SOCS4: variants seen among roughly 807,000 people sequenced by gnomAD.
The protein encoded by SOCS4 is suppressor of cytokine signaling 4, also known as SH2 domain containing SOCS box protein.
In SOCS4, 20 loss-of-function variants were observed where a neutral mutation model predicts 34.1. The ratio of observed to expected loss-of-function variants is 0.59; its 90% CI spans 0.41 to 0.85. SOCS4 has a LOEUF of 0.85. Ranked by LOEUF, SOCS4 falls within the 40% of genes least tolerant of loss-of-function variation. The probability of loss-of-function intolerance (pLI) is 0.00; values close to 1 mark genes in which losing one functional copy is unlikely to be tolerated. For missense variants in SOCS4, 479 were observed against 532.4 expected (o/e 0.90, Z 0.99); for synonymous variants, 180 against 186.4 (o/e 0.97, Z 0.28).
chr14:55,042,992 A>G lies in SOCS4; in HGVS notation c.-50A>G. 1 of 1,517,496 alleles carries G rather than the reference A, an allele frequency of 6.6e-7. No homozygotes were observed. Among genetic ancestry groups the G allele is most frequent in the Non-Finnish European group, 8.9e-7 (1 of 1,128,588 alleles). 94.0% of individuals were successfully genotyped at this position (1,517,496 alleles called of 1,614,324 possible). A position where few individuals can be genotyped will look rare whatever the true frequency, so the allele number is the denominator to read the frequency against. On this transcript the variant is annotated 5_prime_UTR_variant, in exon 3 of 3. Coordinates refer to ENST00000555846, the MANE Select transcript of SOCS4 (RefSeq NM_199421.2). ...GCCCAGAAGAAACTTCCTGCTGGAA[A>G]AAATGAAAAAGCAGTATTTATAACA...
chr14:55,044,726 T>C lies in SOCS4; in HGVS notation c.*362T>C, dbSNP rs2042658662. The C allele has an allele frequency of 5.9e-6, 1 of 168,400 alleles. No individual in the cohort carries two copies. The highest frequency in any genetic ancestry group is 1.4e-5 in the Non-Finnish European group (1 of 69,090). The allele number at this position is 168,400 out of a possible 1,614,324, so 10.4% of individuals were successfully genotyped here. On this transcript the variant is annotated 3_prime_UTR_variant, in exon 3 of 3. Coordinates refer to ENST00000555846, the MANE Select transcript of SOCS4 (RefSeq NM_199421.2). Reference sequence around the variant, plus strand: ...ACACATTTGAATATTGTGTATTTCATACTATTCTTTAAAAGTAATCTTATG... The same window carrying C: ...ACACATTTGAATATTGTGTATTTCACACTATTCTTTAAAAGTAATCTTATG...
Position 55,044,398 on chromosome 14 carries a change from A to G in SOCS4, c.*34A>G, listed in dbSNP as rs1167676813. 2 of 1,328,670 alleles carry G rather than the reference A, an allele frequency of 1.5e-6. No individual in the cohort carries two copies. Among genetic ancestry groups the G allele is most frequent in the Middle Eastern group, 2.9e-4 (1 of 3,446 alleles). 82.3% of individuals were successfully genotyped at this position (1,328,670 alleles called of 1,614,324 possible). On this transcript the variant is annotated 3_prime_UTR_variant, in exon 3 of 3. Coordinates refer to ENST00000555846, the MANE Select transcript of SOCS4 (RefSeq NM_199421.2). The stretch of plus-strand genomic sequence containing the variant: ...TGGGAACATGGGAATGATAATATAT[A>G]TTTTTTCTTTTAATATTTTATTTTT...
chr14:55,042,376 T>C (rs976632550), intron 2 of SOCS4, among the ~76,000 whole-genome samples: 3 of 152,252 alleles, frequency 2.0e-5, no homozygotes, highest in African/African-American at 7.2e-5. Flanking sequence ...TTTAAAACAC[T>C]GTATTGGGAA....
At position 55,046,983 on chromosome 14, in the gene SOCS4, A is replaced by G; in HGVS notation, c.*2619A>G. ...ATATATTGATTGCACTATATAAATG[A>G]GTAAATTTTGAGAGGAACAATGTGG... On this transcript the variant is annotated 3_prime_UTR_variant, in exon 3 of 3. Coordinates refer to ENST00000555846, the MANE Select transcript of SOCS4 (RefSeq NM_199421.2). 6.0e-6 allele frequency: 1 copy of G among 167,186 alleles called. No individual in the cohort carries two copies. 10.4% of individuals were successfully genotyped at this position (167,186 alleles called of 1,614,324 possible). A position where few individuals can be genotyped will look rare whatever the true frequency, so the allele number is the denominator to read the frequency against.
chr14:55,041,473 G>A (rs7149965), intron 2 of SOCS4, among the ~76,000 whole-genome samples: 59,655 of 150,312 alleles, frequency 0.4, 12,266 homozygotes, highest in African/African-American at 0.48. Context: ...AGTTCCTGGC[G>A]TAAATCTTTT....
rs1420914489 is a variant in SOCS4 at position 55,043,550 on chromosome 14, A to G, written c.509A>G (p.Glu170Gly). 6.2e-7 allele frequency: 1 copy of G among 1,614,192 alleles called. No homozygotes were observed. Among genetic ancestry groups the G allele is most frequent in the Non-Finnish European group, 8.5e-7 (1 of 1,180,034 alleles). The change falls in exon 3 of 3, where the codon GAA becomes GGA. Residue 170 changes from glutamate (E) to glycine (G), a missense_variant. By Grantham distance (98) the Glu-to-Gly change is moderately conservative. Coordinates refer to ENST00000555846, the MANE Select transcript of SOCS4 (RefSeq NM_199421.2). Reference sequence around the variant, plus strand: ...GTAAGCACAGACTTGTCTCAGACTGAATTGAGGGATGGTCAGCTAAAACGA... The same window carrying G: ...GTAAGCACAGACTTGTCTCAGACTGGATTGAGGGATGGTCAGCTAAAACGA... ...EWVSTDLSQTELRDGQLKRRN... is the reference protein window; with the variant it reads ...EWVSTDLSQTGLRDGQLKRRN...
chr14:55,036,098 A>T (rs1038126010), intron 2 of SOCS4, among the ~76,000 whole-genome samples: 3 of 152,192 alleles, frequency 2.0e-5, no homozygotes, highest in African/African-American at 4.8e-5. Context: ...CCATATACAT[A>T]TATAGAGATA....
At position 55,043,155 on chromosome 14, in the gene SOCS4, T is replaced by C. The variant is rs1243086823; in HGVS notation, c.114T>C (p.Ser38=). ...ATGTGTGGAGTGGAAAGAAGTTATC[T>C]TGGTCAAAAAAGAGTGAGAGTTATT... ...DGYVWSGKKL[S]WSKKSESYSD... Residue 38 remains serine (S), a synonymous_variant, in exon 3 of 3, where the codon TCT becomes TCC. Coordinates refer to ENST00000555846, the MANE Select transcript of SOCS4 (RefSeq NM_199421.2). 6.2e-7 allele frequency: 1 copy of C among 1,614,100 alleles called. No individual in the cohort carries two copies. The highest frequency in any genetic ancestry group is 8.5e-7 in the Non-Finnish European group (1 of 1,180,036).
rs1044499542 is a variant in SOCS4 at position 55,042,932 on chromosome 14, C to CT, written c.-90-12dup. 63 of 989,644 alleles carry CT rather than the reference C, an allele frequency of 6.4e-5. No homozygotes were observed. Among genetic ancestry groups the CT allele is most frequent in the South Asian group, 1.6e-4 (9 of 56,982 alleles). 61.3% of individuals were successfully genotyped at this position (989,644 alleles called of 1,614,324 possible). ...AAGGTAGATGACAAATGGTTAATGA[C>CT]TTTTTTTTGTTTTCTTTAGATACAT... On this transcript the variant is annotated intron_variant, in intron 2 of 2. Coordinates refer to ENST00000555846, the MANE Select transcript of SOCS4 (RefSeq NM_199421.2).
Position 55,029,427 on chromosome 14 carries a change from G to A in SOCS4, c.-220+1956G>A, listed in dbSNP as rs547168757. On this transcript the variant is annotated intron_variant, in intron 1 of 2. Transcript: ENST00000555846. ...AGTCACAGATTGAATTGCAGTGATGGTTAGTTAGCTTTGCTGTGTTGTAAC... is the reference window on the plus strand; with the variant it reads ...AGTCACAGATTGAATTGCAGTGATGATTAGTTAGCTTTGCTGTGTTGTAAC... Among the ~76,000 whole-genome samples, 37 of 152,238 alleles carry A rather than the reference G, an allele frequency of 2.4e-4. No homozygotes were observed. In the South Asian group the frequency reaches 7.3e-3, roughly 30 times the overall value.
chr14:55,035,084 C>T (rs112642967), intron 2 of SOCS4, among the ~76,000 whole-genome samples: 5,706 of 152,234 alleles, frequency 0.037, 140 homozygotes, highest in South Asian at 0.062. Flanking sequence ...TGGTCTCAAA[C>T]TCCTGACCTC....
intron 1 of SOCS4, among the ~76,000 whole-genome samples, chr14:55,029,298 A>G (rs2042507211): frequency 1.3e-5 from 2 of 152,216 alleles, no homozygotes; most frequent in South Asian, 4.1e-4. Flanking sequence ...TAGCTGTGTC[A>G]CTGATAGGAG....
At chr14:55,036,592 T>A (rs2042574277) in intron 2 of SOCS4, among the ~76,000 whole-genome samples, 1 of 151,944 alleles carries the variant, frequency 6.6e-6, no homozygotes, top group Non-Finnish European at 1.5e-5. Flanking sequence ...GATCCACCCG[T>A]CTCGGCCTCC....
At position 55,043,858 on chromosome 14, in the gene SOCS4, T is replaced by C; in HGVS notation, c.817T>C (p.Cys273Arg). Residue 273 changes from cysteine (C) to arginine (R), a missense_variant, in exon 3 of 3, where the codon TGT (cysteine) becomes CGT (arginine). Physicochemically the swap from Cys to Arg is radical, Grantham distance 180. Transcript: ENST00000555846. The part of the protein sequence containing the change: ...KYHTQIDYVH[C>R]LVPDLLQINN... Reference sequence around the variant, plus strand: ...CCACACGCAGATTGATTATGTCCACTGTCTTGTACCAGACCTCCTTCAGAT... The same window carrying C: ...CCACACGCAGATTGATTATGTCCACCGTCTTGTACCAGACCTCCTTCAGAT... The C allele has an allele frequency of 6.2e-7, 1 of 1,614,220 alleles. No homozygotes were observed. The highest frequency in any genetic ancestry group is 8.5e-7 in the Non-Finnish European group (1 of 1,180,036).
chr14:55,044,399 T>A lies in SOCS4; in HGVS notation c.*35T>A. On this transcript the variant is annotated 3_prime_UTR_variant, in exon 3 of 3. Transcript: ENST00000555846. ...GGGAACATGGGAATGATAATATATA[T>A]TTTTTCTTTTAATATTTTATTTTTC... The A allele has an allele frequency of 7.6e-7, 1 of 1,321,866 alleles. No individual in the cohort carries two copies. The highest frequency in any genetic ancestry group is 9.8e-7 in the Non-Finnish European group (1 of 1,024,758). The allele number at this position is 1,321,866 out of a possible 1,614,324, so 81.9% of individuals were successfully genotyped here.
chr14:55,043,954 G>GA lies in SOCS4; in HGVS notation c.914dup (p.Thr307TyrfsTer17). Reference sequence around the variant, plus strand: ...CGAAGCACTACTGGAAGGAAAACCAGAGGGTACCTTTTTACTTCGAGACTC... The same window carrying GA: ...CGAAGCACTACTGGAAGGAAAACCAGAAGGGTACCTTTTTACTTCGAGACTC... On this transcript the variant is annotated frameshift_variant, in exon 3 of 3. Coordinates refer to ENST00000555846, the MANE Select transcript of SOCS4 (RefSeq NM_199421.2). LOFTEE classifies it high-confidence loss of function. The GA allele has an allele frequency of 2.5e-6, 4 of 1,614,184 alleles. No homozygotes were observed. Among genetic ancestry groups the GA allele is most frequent in the Non-Finnish European group, 3.4e-6 (4 of 1,180,020 alleles).
intron 2 of SOCS4, among the ~76,000 whole-genome samples, chr14:55,039,799 G>C (rs568163447): frequency 1.3e-5 from 2 of 152,368 alleles, no homozygotes; most frequent in African/African-American, 4.8e-5. Context: ...TGGAGGCTGA[G>C]GCAGGAGAAT....
chr14:55,034,081 C>T (rs550365807), intron 2 of SOCS4, among the ~76,000 whole-genome samples: 38 of 152,184 alleles, frequency 2.5e-4, no homozygotes, highest in African/African-American at 7.7e-4. Context: ...TGCAGTGAGC[C>T]GAGATCGCAC....
In SOCS4 at chr14:55,031,950, G is replaced by A. The variant is rs1014631551; in HGVS notation, c.-132G>A. 2 of 152,168 alleles carry A rather than the reference G, an allele frequency of 1.3e-5. No homozygotes were observed. Among genetic ancestry groups the A allele is most frequent in the African/African-American group, 4.8e-5 (2 of 41,432 alleles). 9.4% of individuals were successfully genotyped at this position (152,168 alleles called of 1,614,324 possible). A position where few individuals can be genotyped will look rare whatever the true frequency, so the allele number is the denominator to read the frequency against. On this transcript the variant is annotated 5_prime_UTR_variant, in exon 2 of 3. It removes an upstream start codon present in the reference 5' UTR. Transcript: ENST00000555846. The stretch of plus-strand genomic sequence containing the variant: ...ATCCAACTCAAATATCAAGGACTAT[G>A]ATCAGAATGCTTTCAAGGAGTTTTT...
Sources: gnomAD v4.1 joint callset for allele counts (sites outside exome capture counted in the v4.1 genomes callset) on GRCh38, gnomAD v4.1.1 for gene constraint, MANE v1.5 for transcripts, NCBI Gene and HGNC (gene_info 2026-07-23, HGNC 2026-07-21) for gene names.